The following NRXN3 variants were observed in gnomAD, a reference collection of about 807,000 sequenced individuals.
NRXN3 encodes neurexin 3, also known as neurexin III.
NRXN3 carries 32 observed loss-of-function variants against 137.6 expected under a neutral mutation model. That is an observed-to-expected ratio of 0.23 (90% CI 0.18 to 0.31). NRXN3 has a LOEUF of 0.31. Among genes scored for constraint, NRXN3 ranks in the 10% least tolerant of loss-of-function variants. The pLI, the probability that NRXN3 is intolerant of heterozygous loss-of-function variation, is 1.00. For missense variants in NRXN3, 1,574 were observed against 2,062.5 expected (o/e 0.76, Z 4.59); for synonymous variants, 798 against 784.5 (o/e 1.02, Z -0.29).
At chr14:78,475,871 A>G (rs750717139) in intron 4 of NRXN3, among the ~76,000 whole-genome samples, 1 of 152,240 alleles carries the variant, frequency 6.6e-6, no homozygotes, top group Non-Finnish European at 1.5e-5. Context: ...AACTTCTACT[A>G]TGTGCCAGTA....
intron 19 of NRXN3, among the ~76,000 whole-genome samples, chr14:79,700,757 G>A (rs181834817): frequency 6.6e-6 from 1 of 152,104 alleles, no homozygotes; most frequent in East Asian, 1.9e-4. Context: ...GAAGTAATTG[G>A]TGCTTTGATC....
chr14:78,807,204 G>C (rs1055427868), intron 9 of NRXN3, among the ~76,000 whole-genome samples: 2 of 152,188 alleles, frequency 1.3e-5, no homozygotes, highest in South Asian at 4.1e-4. Flanking sequence ...GGAAAAGACA[G>C]TTGATATGGA....
At chr14:79,155,455 G>A (rs1021102072) in intron 15 of NRXN3, among the ~76,000 whole-genome samples, 5 of 151,794 alleles carry the variant, frequency 3.3e-5, no homozygotes, top group East Asian at 3.9e-4. Context: ...CACCTTCACC[G>A]TTTTTGTAGT....
At chr14:78,938,372 G>A (rs2099346057) in intron 10 of NRXN3, among the ~76,000 whole-genome samples, 2 of 152,198 alleles carry the variant, frequency 1.3e-5, no homozygotes, top group Non-Finnish European at 2.9e-5. Context: ...TGATCATTCA[G>A]CTATTTCCTT....
rs577565814 is a variant in NRXN3 at position 78,316,323 on chromosome 14, A to C, written c.757+18463A>C. Reference sequence around the variant, plus strand: ...GACAGCTGTGGGGGTAGGGTGGACAATTTGCTTCTGATATTTAAATCCCTA... The same window carrying C: ...GACAGCTGTGGGGGTAGGGTGGACACTTTGCTTCTGATATTTAAATCCCTA... On this transcript the variant is annotated intron_variant, in intron 4 of 20. Coordinates refer to ENST00000335750, the MANE Select transcript of NRXN3 (RefSeq NM_001330195.2). Among the ~76,000 whole-genome samples the C allele has an allele frequency of 1.2e-4, 18 of 152,198 alleles. No individual in the cohort carries two copies. The East Asian group carries it at 3.3e-3, about 28-fold the overall frequency.
intron 15 of NRXN3, among the ~76,000 whole-genome samples, chr14:79,303,639 G>T (rs1014396387): frequency 6.6e-6 from 1 of 151,950 alleles, no homozygotes; most frequent in African/African-American, 2.4e-5. Context: ...TGTTGGGGGT[G>T]GGGGGCTAAA....
At chr14:79,065,745 T>C (rs1251924702) in intron 15 of NRXN3, among the ~76,000 whole-genome samples, 1 of 152,144 alleles carries the variant, frequency 6.6e-6, no homozygotes, top group African/African-American at 2.4e-5. Context: ...TCGGCCTTGA[T>C]GTTTTCGTGA....
chr14:78,185,295 G>A (rs1002111358), intron 1 of NRXN3, among the ~76,000 whole-genome samples: 1 of 152,202 alleles, frequency 6.6e-6, no homozygotes, highest in African/African-American at 2.4e-5. Flanking sequence ...AAGGGAGTGT[G>A]AAGAAGTCTT....
At chr14:79,768,367 A>G (rs954979326) in intron 19 of NRXN3, among the ~76,000 whole-genome samples, 7 of 152,206 alleles carry the variant, frequency 4.6e-5, no homozygotes, top group Non-Finnish European at 7.3e-5. Context: ...AGACTTAAGT[A>G]TCCCTGTCTG....
chr14:79,141,582 C>A (rs767578180), intron 15 of NRXN3, among the ~76,000 whole-genome samples: 27 of 152,108 alleles, frequency 1.8e-4, no homozygotes, highest in Non-Finnish European at 3.7e-4. Context: ...GATCAGTGAA[C>A]AATATTATAG....
chr14:78,835,830 C>G (rs1377763591), intron 10 of NRXN3, among the ~76,000 whole-genome samples: 1 of 151,986 alleles, frequency 6.6e-6, no homozygotes, highest in African/African-American at 2.4e-5. Context: ...CTCAAAGACT[C>G]TAAGTCTATG....
At chr14:78,882,353 A>G (rs1315145568) in intron 10 of NRXN3, among the ~76,000 whole-genome samples, 1 of 151,734 alleles carries the variant, frequency 6.6e-6, no homozygotes, top group African/African-American at 2.4e-5. Flanking sequence ...AGCTTGCATT[A>G]TGTGGCTGGA....
At chr14:78,943,618 AAAAATATATATATATATAT>A (rs1273049409) in intron 10 of NRXN3, among the ~76,000 whole-genome samples, 514 of 39,946 alleles carry the variant, frequency 0.013, 43 homozygotes, top group African/African-American at 0.061. Flanking sequence ...GTTAAAAAAA[AAAAATATATATATATATAT>A]ATATATATAT....
chr14:78,451,228 C>G (rs1429886649), intron 4 of NRXN3, among the ~76,000 whole-genome samples: 1 of 152,132 alleles, frequency 6.6e-6, no homozygotes, highest in Non-Finnish European at 1.5e-5. Context: ...CCACATGTGC[C>G]CAATTACAAC....
chr14:78,919,562 A>G (rs1382959052), intron 10 of NRXN3, among the ~76,000 whole-genome samples: 2 of 152,134 alleles, frequency 1.3e-5, no homozygotes, highest in African/African-American at 4.8e-5. Context: ...AATGACAGCA[A>G]CCCTGTTCTT....
intron 15 of NRXN3, among the ~76,000 whole-genome samples, chr14:79,018,373 G>A (rs1186709362): frequency 6.6e-6 from 1 of 151,240 alleles, no homozygotes; most frequent in African/African-American, 2.4e-5. Context: ...AACCTTTGAT[G>A]GGAAAACTGG....
intron 7 of NRXN3, among the ~76,000 whole-genome samples, chr14:78,712,549 T>G (rs2098414239): frequency 6.6e-6 from 1 of 152,202 alleles, no homozygotes; most frequent in African/African-American, 2.4e-5. Context: ...TTATTGTTTT[T>G]AACTTTAGTT....
intron 16 of NRXN3, among the ~76,000 whole-genome samples, chr14:79,532,065 C>G (rs2097174347): frequency 6.6e-6 from 1 of 152,082 alleles, no homozygotes; most frequent in African/African-American, 2.4e-5. Context: ...AGTTTATAGT[C>G]ATTTGCACCT....
chr14:79,641,206 C>T (rs1295731314), intron 16 of NRXN3, among the ~76,000 whole-genome samples: 2 of 133,996 alleles, frequency 1.5e-5, no homozygotes, highest in East Asian at 2.0e-4. Context: ...GATTGAGTTT[C>T]ACCATGTTGG....
Sources: gnomAD v4.1 joint callset for allele counts (sites outside exome capture counted in the v4.1 genomes callset) on GRCh38, gnomAD v4.1.1 for gene constraint, MANE v1.5 for transcripts, NCBI Gene and HGNC (gene_info 2026-07-23, HGNC 2026-07-21) for gene names.